The following KATNAL1 variants were observed in gnomAD, a reference collection of about 807,000 sequenced individuals.
KATNAL1 encodes katanin catalytic subunit A1 like 1.
Under a neutral mutation model 55.2 loss-of-function variants are expected in KATNAL1, and 32 were observed. That is an observed-to-expected ratio of 0.58 (90% CI 0.44 to 0.78). The LOEUF is 0.78. Among genes scored for constraint, KATNAL1 ranks in the 30% least tolerant of loss-of-function variants. The pLI is 0.00. For missense variants in KATNAL1, 466 were observed against 600.9 expected, an observed-to-expected ratio of 0.78 and a Z score of 2.35; for synonymous variants, 193 against 193.6, an observed-to-expected ratio of 1.00 and a Z score of 0.02.
chr13:30,253,174 T>C (rs564497723), intron 4 of KATNAL1, among the ~76,000 whole-genome samples: 3 of 152,340 alleles, frequency 2.0e-5, no homozygotes, highest in East Asian at 1.9e-4. Flanking sequence ...AATATTTGTG[T>C]GGTTACAAAA....
intron 1 of KATNAL1, among the ~76,000 whole-genome samples, chr13:30,301,125 T>C (rs1414884840): frequency 6.6e-6 from 1 of 152,220 alleles, no homozygotes; most frequent in Non-Finnish European, 1.5e-5. Flanking sequence ...CCCAGCACTT[T>C]GGGAGGCCTA....
chr13:30,256,356 CA>C (rs1389555383), intron 3 of KATNAL1, among the ~76,000 whole-genome samples: 3 of 152,024 alleles, frequency 2.0e-5, no homozygotes, highest in Non-Finnish European at 4.4e-5. Context: ...CTTCTCAGCA[CA>C]GTTTTTGTCT....
chr13:30,231,287 T>C lies in KATNAL1; in HGVS notation c.885+27A>G, dbSNP rs763727227. 16 of 1,585,888 alleles carry C rather than the reference T, an allele frequency of 1.0e-5. No homozygotes were observed. The South Asian group carries it at 1.4e-4, about 14-fold the overall frequency. On this transcript the variant is annotated intron_variant, in intron 7 of 10. Coordinates refer to ENST00000380615, the MANE Select transcript of KATNAL1 (RefSeq NM_032116.5). ...GCATCATAGGCCTACACACACTACT[T>C]TGAAATCTGAATATATCGTCACTCA...
At chr13:30,236,158 A>G (rs1392051257) in intron 6 of KATNAL1, among the ~76,000 whole-genome samples, 1 of 152,150 alleles carries the variant, frequency 6.6e-6, no homozygotes, top group East Asian at 1.9e-4. Flanking sequence ...GTTCATGCCT[A>G]TGTCGTCCTG....
chr13:30,255,367 T>C, intron 4 of KATNAL1, 80 bp downstream of exon 4: 2 of 1,215,760 alleles, frequency 1.6e-6, no homozygotes, highest in African/African-American at 1.6e-5. Context: ...CAGGGTATCT[T>C]GAAAAGCCAA....
At chr13:30,249,873 C>T (rs563374802) in intron 4 of KATNAL1, among the ~76,000 whole-genome samples, 1 of 152,260 alleles carries the variant, frequency 6.6e-6, no homozygotes, top group Admixed American at 6.5e-5. Flanking sequence ...TGAGAGCCAG[C>T]TACTAAATTT....
At chr13:30,252,616 C>T (rs1230449613) in intron 4 of KATNAL1, among the ~76,000 whole-genome samples, 1 of 152,124 alleles carries the variant, frequency 6.6e-6, no homozygotes. Flanking sequence ...ACTGAGTTTT[C>T]TGTTCTACTC....
At chr13:30,226,661 T>C (rs1875503289) in intron 9 of KATNAL1, among the ~76,000 whole-genome samples, 1 of 152,244 alleles carries the variant, frequency 6.6e-6, no homozygotes, top group African/African-American at 2.4e-5. Flanking sequence ...ATTAAACAGG[T>C]GTACAGATTT....
chr13:30,203,926 T>A lies in KATNAL1; in HGVS notation c.*4614A>T. 1 of 152,162 alleles carries A rather than the reference T, an allele frequency of 6.6e-6. No homozygotes were observed. The highest frequency in any genetic ancestry group is 1.9e-4 in the East Asian group (1 of 5,196). 9.4% of individuals were successfully genotyped at this position (152,162 alleles called of 1,614,324 possible). On this transcript the variant is annotated 3_prime_UTR_variant, in exon 11 of 11. Coordinates refer to ENST00000380615, the MANE Select transcript of KATNAL1 (RefSeq NM_032116.5). The stretch of plus-strand genomic sequence containing the variant: ...GTATGAAAAGCCTAATTTAAAAGTA[T>A]AAATAAGTAAACTTACAATAATTAC...
chr13:30,234,906 T>C (rs901858115), intron 6 of KATNAL1, among the ~76,000 whole-genome samples: 6 of 152,154 alleles, frequency 3.9e-5, no homozygotes, highest in Non-Finnish European at 8.8e-5. Context: ...CCCTGAAATT[T>C]TATGCTAATG....
chr13:30,218,830 C>A (rs79680046), intron 9 of KATNAL1, among the ~76,000 whole-genome samples: 6,137 of 152,200 alleles, frequency 0.04, 170 homozygotes, highest in African/African-American at 0.069. Context: ...TGGAGTCACC[C>A]CCAACCACGA....
chr13:30,223,441 CAAAAAAAAAAAAA>C (rs34451447), intron 9 of KATNAL1, among the ~76,000 whole-genome samples: 5 of 48,772 alleles, frequency 1.0e-4, no homozygotes, highest in Admixed American at 3.7e-4. Flanking sequence ...GACTCCATCT[CAAAAAAAAAAAAA>C]AAAAAAAAAA....
intron 9 of KATNAL1, among the ~76,000 whole-genome samples, chr13:30,213,751 T>G (rs1323900355): frequency 1.3e-5 from 2 of 152,108 alleles, no homozygotes; most frequent in African/African-American, 2.4e-5. Flanking sequence ...TCTCAATAAA[T>G]TAGGTATTGA....
Position 30,240,552 on chromosome 13 carries a change from C to T in KATNAL1, c.634G>A (p.Asp212Asn). Reference protein sequence around the residue: ...NPSIHWDDIADLEEAKKLLRE... With the variant: ...NPSIHWDDIANLEEAKKLLRE... ...AGCAACTTCTTAGCTTCTTCCAGAT[C>T]TGCTATGTCATCCCTTTGAAAGAAC... Residue 212 changes from aspartate to asparagine, a missense_variant, in exon 6 of 11, where the codon GAT becomes AAT. By Grantham distance (23) the Asp-to-Asn change is conservative. Coordinates refer to ENST00000380615, the MANE Select transcript of KATNAL1 (RefSeq NM_032116.5). 6.2e-7 allele frequency: 1 copy of T among 1,611,978 alleles called. No individual in the cohort carries two copies. The highest frequency in any genetic ancestry group is 2.2e-5 in the East Asian group (1 of 44,832).
intron 3 of KATNAL1, among the ~76,000 whole-genome samples, chr13:30,270,074 G>A (rs1880168072): frequency 1.8e-5 from 2 of 108,728 alleles, no homozygotes; most frequent in African/African-American, 3.3e-5. Context: ...GAGGGAGGTG[G>A]GGGGGGTCAG....
At position 30,240,410 on chromosome 13, in the gene KATNAL1, C is replaced by G. The variant is rs199658533; in HGVS notation, c.726+50G>C. On this transcript the variant is annotated intron_variant, in intron 6 of 10. Coordinates refer to ENST00000380615, the MANE Select transcript of KATNAL1 (RefSeq NM_032116.5). ...AACTACAGCAATGCTGCCTTTCATT[C>G]CAGTGCCAAGTAGCATTCTTATATC... 3 of 1,266,698 alleles carry G rather than the reference C, an allele frequency of 2.4e-6. No individual in the cohort carries two copies. The African/African-American group carries it at 4.4e-5, about 19-fold the overall frequency. 78.5% of individuals were successfully genotyped at this position (1,266,698 alleles called of 1,614,324 possible).
intron 4 of KATNAL1, among the ~76,000 whole-genome samples, chr13:30,249,213 CAA>C (rs1351161740): frequency 2.0e-5 from 3 of 150,394 alleles, no homozygotes; most frequent in African/African-American, 7.4e-5. Flanking sequence ...ACCTAGGCGA[CAA>C]GAGCGAAATT....
At chr13:30,217,669 C>T (rs1224663004) in intron 9 of KATNAL1, among the ~76,000 whole-genome samples, 1 of 152,166 alleles carries the variant, frequency 6.6e-6, no homozygotes, top group African/African-American at 2.4e-5. Flanking sequence ...CAACTACATT[C>T]TGGGCCTGCC....
intron 1 of KATNAL1, among the ~76,000 whole-genome samples, chr13:30,284,512 TA>T (rs1881641327): frequency 6.6e-6 from 1 of 152,168 alleles, no homozygotes; most frequent in Non-Finnish European, 1.5e-5. Context: ...TAGTTATCAC[TA>T]AAACTTCTTG....
Sources: allele counts gnomAD v4.1 joint callset (sites outside exome capture counted in the v4.1 genomes callset), GRCh38; gene constraint gnomAD v4.1.1; transcripts MANE v1.5; gene names NCBI Gene and HGNC (gene_info 2026-07-23, HGNC 2026-07-21).